PIEZO1: variants seen among roughly 807,000 people sequenced by gnomAD.
The protein encoded by PIEZO1 is piezo-type mechanosensitive ion channel component 1.
A neutral mutation model predicts 297.2 loss-of-function variants in PIEZO1; 296 were observed. The observed-to-expected ratio is 1.00, with a 90% confidence interval of 0.91 to 1.10. The LOEUF is 1.10. PIEZO1 is among the 50% of genes least tolerant of loss of function. The probability of loss-of-function intolerance (pLI) is 0.00; values close to 1 mark genes in which losing one functional copy is unlikely to be tolerated. For missense variants in PIEZO1, 5,018 were observed against 3,455.5 expected (o/e 1.45, Z -11.34); for synonymous variants, 2,427 against 1,507.5 (o/e 1.61, Z -14.13).
chr16:88,737,845 A>T (rs1162085425), intron 8 of PIEZO1, 31 bp from the exon 9 acceptor site: 1 of 1,534,122 alleles, frequency 6.5e-7, no homozygotes, highest in Non-Finnish European at 8.7e-7. Context: ...AGCCCAAACC[A>T]GCTCCACACC....
intron 20 of PIEZO1, 25 bp from the exon 21 acceptor site, chr16:88,732,560 C>T (rs1597455673): frequency 3.2e-6 from 5 of 1,542,794 alleles, no homozygotes; most frequent in Non-Finnish European, 4.4e-6. Flanking sequence ...GGTCAGGGGG[C>T]AGCCGGGTAC....
rs768658743 is a variant in PIEZO1 at position 88,736,318 on chromosome 16, C to T, written c.1387G>A (p.Ala463Thr). 1.7e-4 allele frequency: 269 copies of T among 1,550,014 alleles called. 1 individual carries two copies. Among genetic ancestry groups the T allele is most frequent in the Non-Finnish European group, 2.3e-4 (260 of 1,146,790 alleles). Residue 463 changes from alanine (A) to threonine (T), a missense_variant, in exon 12 of 51, where the codon GCC becomes ACC. Physicochemically the swap from Ala to Thr is moderately conservative, Grantham distance 58. Coordinates refer to ENST00000301015, the MANE Select transcript of PIEZO1 (RefSeq NM_001142864.4). ...IWTVRSRHQL[A>T]MLCSPCILLY... ...AGGATGCAGGGCGAGCACAGCATGG[C>T]CAGTTGGTGGCGGCTGCGCACCGTC...
At chr16:88,724,487 C>T (rs1904312512) in intron 30 of PIEZO1, among the ~76,000 whole-genome samples, 1 of 149,644 alleles carries the variant, frequency 6.7e-6, no homozygotes, top group Non-Finnish European at 1.5e-5. Context: ...GCCGCAATCA[C>T]GCCATTGCAC....
In PIEZO1 at chr16:88,727,635, C is replaced by T. The variant is rs1361497278; in HGVS notation, c.3223G>A (p.Val1075Ile). Residue 1075 changes from valine to isoleucine, a missense_variant, in exon 23 of 51, where the codon GTC becomes ATC. Coordinates refer to ENST00000301015, the MANE Select transcript of PIEZO1 (RefSeq NM_001142864.4). ...IDYPWRWSRAVPMNSALIKWL... is the reference protein window; with the variant it reads ...IDYPWRWSRAIPMNSALIKWL... ...TTGATGAGTGCGGAGTTCATGGGGA[C>T]GGCCCGGCTCCAGCGCCAGGGATAA... 1.3e-5 allele frequency: 19 copies of T among 1,494,320 alleles called. No individual in the cohort carries two copies. The highest frequency in any genetic ancestry group is 6.4e-5 in the South Asian group (5 of 78,086). 92.6% of individuals were successfully genotyped at this position (1,494,320 alleles called of 1,614,324 possible). A position where few individuals can be genotyped will look rare whatever the true frequency, so the allele number is the denominator to read the frequency against.
At position 88,717,061 on chromosome 16, in the gene PIEZO1, T is replaced by C; in HGVS notation, c.6622A>G (p.Ile2208Val). The C allele has an allele frequency of 1.3e-6, 2 of 1,550,848 alleles. No homozygotes were observed. Among genetic ancestry groups the C allele is most frequent in the African/African-American group, 1.4e-5 (1 of 73,162 alleles). The change falls in exon 45 of 51, where the codon ATC becomes GTC. Residue 2208 changes from isoleucine (I) to valine (V), a missense_variant. Physicochemically the swap from Ile to Val is conservative, Grantham distance 29 (BLOSUM62 3). Transcript: ENST00000301015. ...AGCTTCAGGGTGACGGTGACATCGA[T>C]GGGCTGGTTGACAACCCCAACCACG... ...RSVVGVVNQPIDVTVTLKLGG... is the reference protein window; with the variant it reads ...RSVVGVVNQPVDVTVTLKLGG...
intron 44 of PIEZO1, chr16:88,717,527 C>A (rs1478461044): frequency 3.8e-6 from 2 of 529,780 alleles, no homozygotes; most frequent in Admixed American, 4.5e-5. Flanking sequence ...TACCATGTGC[C>A]AAAATTTACC....
In PIEZO1 at chr16:88,777,723, G is replaced by C. The variant is rs115785238; in HGVS notation, c.64+7178C>G. ...CCGCGTGGTGGCTGAGCTGCGTAAA[G>C]GCAGACAGTGGGGGTCCCAGGCGAC... is the stretch of plus-strand genomic sequence containing the variant. On this transcript the variant is annotated intron_variant, in intron 1 of 50. Transcript: ENST00000301015. Among the ~76,000 whole-genome samples the C allele has an allele frequency of 2.1e-3, 327 of 152,348 alleles. 1 individual carries two copies. The highest frequency in any genetic ancestry group is 7.5e-3 in the African/African-American group (312 of 41,578).
intron 22 of PIEZO1, chr16:88,731,451 T>A (rs1196722313): frequency 2.0e-6 from 1 of 502,358 alleles, no homozygotes; most frequent in African/African-American, 1.9e-5. Flanking sequence ...TCCTGAAGGT[T>A]TGAAATATTT....
intron 35 of PIEZO1, 71 bp downstream of exon 35, chr16:88,722,512 G>A: frequency 1.1e-5 from 16 of 1,429,616 alleles, no homozygotes; most frequent in East Asian, 2.5e-5. Flanking sequence ...GAATGGCGAG[G>A]GTCGGGGATG....
rs1163772841 is a variant in PIEZO1 at position 88,722,259 on chromosome 16, G to A, written c.4914C>T (p.Tyr1638=). ...PGEREAGASL[Y]QGLMRTASEL... ...CGCTGGCCGTCCGCATCAGTCCCTG[G>A]TACAGAGAGGCACCAGCCTCACGCT... The change falls in exon 36 of 51, where the codon TAC becomes TAT. Residue 1638 remains tyrosine (Y), a synonymous_variant. Coordinates refer to ENST00000301015, the MANE Select transcript of PIEZO1 (RefSeq NM_001142864.4). 5 of 1,548,346 alleles carry A rather than the reference G, an allele frequency of 3.2e-6. 1 individual carries two copies. Among genetic ancestry groups the A allele is most frequent in the South Asian group, 1.2e-5 (1 of 84,046 alleles).
intron 1 of PIEZO1, among the ~76,000 whole-genome samples, chr16:88,764,235 G>A (rs780996646): frequency 6.6e-6 from 1 of 152,128 alleles, no homozygotes; most frequent in Admixed American, 6.5e-5. Context: ...GGCCACAGGA[G>A]ATGGGGTCCT....
At position 88,720,861 on chromosome 16, in the gene PIEZO1, A is replaced by G. The variant is rs553487976; in HGVS notation, c.5669-113T>C. 1.1e-4 allele frequency: 137 copies of G among 1,208,676 alleles called. No individual in the cohort carries two copies. The African/African-American group carries it at 1.9e-3, about 17-fold the overall frequency. 74.9% of individuals were successfully genotyped at this position (1,208,676 alleles called of 1,614,324 possible). A position where few individuals can be genotyped will look rare whatever the true frequency, so the allele number is the denominator to read the frequency against. On this transcript the variant is annotated intron_variant, in intron 39 of 50. Transcript: ENST00000301015. ...CCCTGTTTGACAGACAAGCAGACGG[A>G]GCACAGGAAAGCTCCCAGTGTCACT...
chr16:88,767,750 A>G (rs1022810269), intron 1 of PIEZO1, among the ~76,000 whole-genome samples: 2 of 152,100 alleles, frequency 1.3e-5, no homozygotes, highest in African/African-American at 2.4e-5. Flanking sequence ...CCAAGCCAGA[A>G]CATCTCCGCT....
At chr16:88,762,471 C>T (rs956292178) in intron 1 of PIEZO1, among the ~76,000 whole-genome samples, 11 of 152,148 alleles carry the variant, frequency 7.2e-5, no homozygotes, top group African/African-American at 2.2e-4. Flanking sequence ...ATCCCGGGGA[C>T]GGCAGGACCC....
At chr16:88,754,795 G>C (rs1411392055) in intron 1 of PIEZO1, among the ~76,000 whole-genome samples, 5 of 152,242 alleles carry the variant, frequency 3.3e-5, no homozygotes, top group African/African-American at 1.2e-4. Context: ...ACGTGGTGCA[G>C]AAAGACTGCG....
At chr16:88,725,337 G>T in intron 29 of PIEZO1, 79 bp downstream of exon 29, 1 of 922,090 alleles carries the variant, frequency 1.1e-6, no homozygotes, top group Non-Finnish European at 1.6e-6. Flanking sequence ...ACGTCACATG[G>T]GCACAGACGC....
rs1325619056 is a variant in PIEZO1, at chr16:88,727,656, G to A, written c.3202C>T (p.Pro1068Ser). 7 of 1,457,798 alleles carry A rather than the reference G, an allele frequency of 4.8e-6. No homozygotes were observed. The highest frequency in any genetic ancestry group is 5.5e-6 in the Non-Finnish European group (6 of 1,088,884). The allele number at this position is 1,457,798 out of a possible 1,614,324, so 90.3% of individuals were successfully genotyped here. Residue 1068 changes from proline to serine, a missense_variant, in exon 23 of 51, where the codon CCC becomes TCC. By Grantham distance (74) the Pro-to-Ser change is moderately conservative. Transcript: ENST00000301015. ...GGGACGGCCCGGCTCCAGCGCCAGG[G>A]ATAATCTGGGGGAAGGGGTGTCATG... ...GMPPALCIDY[P>S]WRWSRAVPMN...
intron 1 of PIEZO1, among the ~76,000 whole-genome samples, chr16:88,782,624 C>A (rs1431596744): frequency 6.6e-6 from 1 of 152,222 alleles, no homozygotes; most frequent in African/African-American, 2.4e-5. Context: ...TCTGAGCCAG[C>A]GCAGGCACAC....
intron 2 of PIEZO1, among the ~76,000 whole-genome samples, chr16:88,749,066 T>C (rs539360394): frequency 2.7e-4 from 41 of 149,130 alleles, no homozygotes; most frequent in Admixed American, 1.0e-3. Flanking sequence ...TGAAACCCCG[T>C]CTCTACTAAA....
Sources: gnomAD v4.1 joint callset for allele counts (sites outside exome capture counted in the v4.1 genomes callset) on GRCh38, gnomAD v4.1.1 for gene constraint, MANE v1.5 for transcripts, NCBI Gene and HGNC (gene_info 2026-07-23, HGNC 2026-07-21) for gene names.